Variants in SLC12A3 observed in about 807,000 individuals in gnomAD.
SLC12A3 encodes solute carrier family 12 member 3.
Under a neutral mutation model 121.0 loss-of-function variants are expected in SLC12A3, and 104 were observed. The observed-to-expected ratio is 0.86, with a 90% confidence interval of 0.73 to 1.01. The LOEUF is 1.01. SLC12A3 is among the 50% of genes least tolerant of loss of function. The pLI is 0.00. For missense variants in SLC12A3, 1,328 were observed against 1,356.3 expected, an observed-to-expected ratio of 0.98 and a Z score of 0.33; for synonymous variants, 536 against 533.4, an observed-to-expected ratio of 1.00 and a Z score of -0.07.
chr16:56,896,990 G>T (rs1218293437), intron 22 of SLC12A3, among the ~76,000 whole-genome samples: 1 of 151,984 alleles, frequency 6.6e-6, no homozygotes, highest in Non-Finnish European at 1.5e-5. Flanking sequence ...TACTCAGGAG[G>T]CTGAGACAGG....
intron 2 of SLC12A3, 38 bp downstream of exon 2, chr16:56,867,254 G>C (rs376854786): frequency 6.3e-6 from 10 of 1,575,020 alleles, no homozygotes. Context: ...GTCCAGAAAT[G>C]GGGGTGGGGT....
chr16:56,902,294 C>CA, intron 23 of SLC12A3, 79 bp from the exon 24 acceptor site: 2 of 1,585,604 alleles, frequency 1.3e-6, no homozygotes, highest in East Asian at 2.2e-5. Context: ...GCAACACTGC[C>CA]AGCTCCCCGC....
chr16:56,871,521 T>C (rs1287893395), intron 6 of SLC12A3, among the ~76,000 whole-genome samples: 1 of 152,110 alleles, frequency 6.6e-6, no homozygotes, highest in Non-Finnish European at 1.5e-5. Context: ...CCCCGCATTT[T>C]CTGACCTGCA....
intron 8 of SLC12A3, among the ~76,000 whole-genome samples, chr16:56,877,650 G>A (rs563170155): frequency 2.0e-5 from 3 of 152,302 alleles, no homozygotes; most frequent in South Asian, 4.1e-4. Context: ...CGGGGTGTGA[G>A]AGCACAGCCC....
intron 25 of SLC12A3, among the ~76,000 whole-genome samples, chr16:56,912,801 C>G (rs2055703471): frequency 6.6e-6 from 1 of 152,084 alleles, no homozygotes; most frequent in Non-Finnish European, 1.5e-5. Flanking sequence ...GCGTGGGCGG[C>G]CTGCCCTGGA....
chr16:56,866,852 C>A lies in SLC12A3; in HGVS notation c.283-218C>A, dbSNP rs1172327342. Reference sequence around the variant, plus strand: ...TGAACTCCTAAGCTCAAGCAATCCACCCACCTTGGCCTCCCAAAGTGCTTT... The same window carrying A: ...TGAACTCCTAAGCTCAAGCAATCCAACCACCTTGGCCTCCCAAAGTGCTTT... On this transcript the variant is annotated intron_variant, in intron 1 of 25. Transcript: ENST00000563236. Among the ~76,000 whole-genome samples the A allele has an allele frequency of 2.0e-5, 3 of 152,230 alleles. No individual in the cohort carries two copies. In the East Asian group the frequency reaches 5.8e-4, roughly 29 times the overall value.
chr16:56,886,210 C>G (rs576789600), intron 15 of SLC12A3, among the ~76,000 whole-genome samples, 154 bp from the exon 16 acceptor site: 1 of 152,156 alleles, frequency 6.6e-6, no homozygotes, highest in Admixed American at 6.5e-5. Flanking sequence ...CCAAAAGTCA[C>G]CCTGGATTTA....
intron 25 of SLC12A3, chr16:56,907,165 C>T (rs145684252): frequency 1.4e-4 from 23 of 163,274 alleles, no homozygotes; most frequent in Non-Finnish European, 1.6e-4. Context: ...CAATTAGAAA[C>T]GTGCTTGGGG....
chr16:56,873,386 T>C (rs1289345095), intron 8 of SLC12A3, among the ~76,000 whole-genome samples: 1,281 of 120,208 alleles, frequency 0.011, 16 homozygotes, highest in African/African-American at 0.045. Context: ...TTTTTTTTTT[T>C]TTTTTTTTTT....
intron 8 of SLC12A3, among the ~76,000 whole-genome samples, chr16:56,877,709 A>G (rs2055180975): frequency 6.6e-6 from 1 of 152,224 alleles, no homozygotes; most frequent in African/African-American, 2.4e-5. Flanking sequence ...CCGACTCCAG[A>G]GCCCACCACC....
Position 56,880,258 on chromosome 16 carries a change from G to A in SLC12A3, c.1567+5G>A. ...CTGTGGCCTTCATCATCATCGGTAA[G>A]GCTCTGCCAGGGCTCACAGGGCCTG... On this transcript the variant is annotated splice_donor_5th_base_variant and intron_variant, in intron 12 of 25. Transcript: ENST00000563236. 1 of 1,574,522 alleles carries A rather than the reference G, an allele frequency of 6.4e-7. No homozygotes were observed. The highest frequency in any genetic ancestry group is 1.7e-4 in the Middle Eastern group (1 of 5,986).
chr16:56,890,210 G>A (rs1305541566), intron 18 of SLC12A3, 64 bp from the exon 19 acceptor site: 1 of 1,261,426 alleles, frequency 7.9e-7, no homozygotes, highest in Non-Finnish European at 1.2e-6. Flanking sequence ...GGTCTCCTGG[G>A]TGCCAGGTCA....
In SLC12A3 at chr16:56,870,867, G is replaced by T. The variant is rs534876754; in HGVS notation, c.852+131G>T. 18 of 612,052 alleles carry T rather than the reference G, an allele frequency of 2.9e-5. No individual in the cohort carries two copies. The East Asian group carries it at 4.4e-4, about 15-fold the overall frequency. The allele number at this position is 612,052 out of a possible 1,614,324, so 37.9% of individuals were successfully genotyped here. The stretch of plus-strand genomic sequence containing the variant: ...TTTTTTTTTTTTGAGACAGAATCTC[G>T]CTCGATGTCCATGCTGGAGTGCAGT... On this transcript the variant is annotated intron_variant, in intron 6 of 25. Transcript: ENST00000563236.
intron 3 of SLC12A3, among the ~76,000 whole-genome samples, chr16:56,869,495 T>A (rs1169916329): frequency 1.3e-5 from 2 of 152,146 alleles, no homozygotes; most frequent in East Asian, 3.9e-4. Flanking sequence ...GCCTGGCTAA[T>A]TTTTGTATTT....
chr16:56,892,616 C>T (rs1042739794), intron 20 of SLC12A3, among the ~76,000 whole-genome samples: 9 of 152,080 alleles, frequency 5.9e-5, no homozygotes, highest in African/African-American at 1.4e-4. Flanking sequence ...ACCATCACTC[C>T]GGGAGACAGG....
rs1020534827 is a variant in SLC12A3 at position 56,894,413 on chromosome 16, G to A, written c.2522-118G>A. ...GCCATGTTCATTATACAGATGGGTC[G>A]ACTGGGGTCCAGCGAGGAGAGGAAG... On this transcript the variant is annotated intron_variant, in intron 21 of 25. Coordinates refer to ENST00000563236, the MANE Select transcript of SLC12A3 (RefSeq NM_001126108.2). The A allele has an allele frequency of 6.7e-6, 5 of 741,164 alleles. No individual in the cohort carries two copies. In the African/African-American group the frequency reaches 6.9e-5, roughly 10 times the overall value. 45.9% of individuals were successfully genotyped at this position (741,164 alleles called of 1,614,324 possible).
intron 24 of SLC12A3, among the ~76,000 whole-genome samples, chr16:56,903,335 C>G (rs1473765869): frequency 1.3e-5 from 2 of 152,094 alleles, no homozygotes; most frequent in African/African-American, 4.8e-5. Context: ...CAAGGTGGGG[C>G]AGGCTCTAGG....
At chr16:56,892,613 C>T (rs530312028) in intron 20 of SLC12A3, among the ~76,000 whole-genome samples, 2 of 152,230 alleles carry the variant, frequency 1.3e-5, no homozygotes, top group South Asian at 2.1e-4. Flanking sequence ...CCCACCATCA[C>T]TCCGGGAGAC....
At chr16:56,894,450 T>C (rs2055434393) in intron 21 of SLC12A3, 81 bp from the exon 22 acceptor site, 1 of 969,592 alleles carries the variant, frequency 1.0e-6, no homozygotes, top group East Asian at 2.6e-5. Flanking sequence ...GGTTTGCTAA[T>C]GGCAGAGCGG....
Sources: gnomAD v4.1 joint callset for allele counts (sites outside exome capture counted in the v4.1 genomes callset) on GRCh38, gnomAD v4.1.1 for gene constraint, MANE v1.5 for transcripts, NCBI Gene and HGNC (gene_info 2026-07-23, HGNC 2026-07-21) for gene names.